The following ATG5 variants were observed in gnomAD, a reference collection of about 807,000 sequenced individuals.
The protein encoded by ATG5 is autophagy related 5.
Under a neutral mutation model 36.5 loss-of-function variants are expected in ATG5, and 14 were observed. That is an observed-to-expected ratio of 0.38 (90% CI 0.25 to 0.60). ATG5 has a LOEUF of 0.60. Ranked by LOEUF, ATG5 falls within the 20% of genes least tolerant of loss-of-function variation. ATG5 has a pLI of 0.60. For missense variants in ATG5, 195 were observed against 326.7 expected, an observed-to-expected ratio of 0.60 and a Z score of 3.11; for synonymous variants, 95 against 101.5, an observed-to-expected ratio of 0.94 and a Z score of 0.38.
At chr6:106,324,727 G>A (rs1001410508) in intron 1 of ATG5, among the ~76,000 whole-genome samples, 35 of 152,170 alleles carry the variant, frequency 2.3e-4, no homozygotes, top group Admixed American at 2.3e-3. Context: ...AAAAGCACAG[G>A]CTTAAATCTG....
intron 3 of ATG5, among the ~76,000 whole-genome samples, chr6:106,303,876 G>A (rs1770314696): frequency 6.6e-6 from 1 of 150,744 alleles, no homozygotes; most frequent in African/African-American, 2.4e-5. Context: ...AATTGTGAAA[G>A]ACTAATACAT....
rs1775747390 is a variant in ATG5, at chr6:106,185,944, C to G, written c.*596G>C. ...TTAAATGACAAAACATATTTAGAGG[C>G]TTTATTTAAAAATCTCTCACTGTTC... On this transcript the variant is annotated 3_prime_UTR_variant, in exon 8 of 8. Coordinates refer to ENST00000369076, the MANE Select transcript of ATG5 (RefSeq NM_004849.4). 1 of 152,784 alleles carries G rather than the reference C, an allele frequency of 6.5e-6. No homozygotes were observed. Among genetic ancestry groups the G allele is most frequent in the African/African-American group, 2.4e-5 (1 of 41,542 alleles). The allele number at this position is 152,784 out of a possible 1,614,324, so 9.5% of individuals were successfully genotyped here. A position where few individuals can be genotyped will look rare whatever the true frequency, so the allele number is the denominator to read the frequency against.
Position 106,279,818 on chromosome 6 carries a change from A to T in ATG5, c.321T>A (p.Phe107Leu). ...GACAGTGCAGAAGGTCTTTTTCTGG[A>T]AAACTCTATCAAAGGAAAAAATATA... ...PWNITVHFKS[F>L]PEKDLLHCPS... The change falls in exon 5 of 8, where the codon TTT (phenylalanine) becomes TTA (leucine). Residue 107 changes from phenylalanine to leucine, a missense_variant. By Grantham distance (22) the Phe-to-Leu change is conservative. Coordinates refer to ENST00000369076, the MANE Select transcript of ATG5 (RefSeq NM_004849.4). 6.7e-7 allele frequency: 1 copy of T among 1,500,018 alleles called. No homozygotes were observed. 92.9% of individuals were successfully genotyped at this position (1,500,018 alleles called of 1,614,324 possible).
At chr6:106,246,359 C>CTCTCTG (rs1180367129) in intron 6 of ATG5, among the ~76,000 whole-genome samples, 1 of 144,416 alleles carries the variant, frequency 6.9e-6, no homozygotes, top group East Asian at 2.1e-4. Flanking sequence ...AAACCATTCT[C>CTCTCTG]TCTCTGTCTC....
chr6:106,214,409 A>G (rs555444303), intron 6 of ATG5, among the ~76,000 whole-genome samples: 2 of 152,252 alleles, frequency 1.3e-5, no homozygotes, highest in East Asian at 1.9e-4. Flanking sequence ...CACTTTCTGT[A>G]CTTATGTTGA....
At position 106,186,543 on chromosome 6, in the gene ATG5, A is replaced by G; in HGVS notation, c.825T>C (p.Asp275=). The part of the protein sequence containing the change: ...LHISIIPQPT[D] The stretch of plus-strand genomic sequence containing the variant: ...GTTCAGGCAAATAGTTGATCCTTCA[A>G]TCTGTTGGCTGTGGGATGATACTAA... The change falls in exon 8 of 8, where the codon GAT becomes GAC. Residue 275 remains aspartate, a synonymous_variant. Coordinates refer to ENST00000369076, the MANE Select transcript of ATG5 (RefSeq NM_004849.4). 3 of 1,613,442 alleles carry G rather than the reference A, an allele frequency of 1.9e-6. No individual in the cohort carries two copies. Among genetic ancestry groups the G allele is most frequent in the Non-Finnish European group, 2.5e-6 (3 of 1,179,516 alleles).
intron 1 of ATG5, 25 bp from the exon 2 acceptor site, chr6:106,316,291 G>T: frequency 1.0e-6 from 1 of 962,276 alleles, no homozygotes. Context: ...AAGAGCATTA[G>T]TCAGATCCTT....
At chr6:106,274,113 G>A (rs766709059) in intron 5 of ATG5, among the ~76,000 whole-genome samples, 3 of 152,186 alleles carry the variant, frequency 2.0e-5, no homozygotes, top group Middle Eastern at 3.4e-3. Context: ...GCCTTTTTGG[G>A]ATTGTATACT....
chr6:106,277,605 A>G (rs1028882691), intron 5 of ATG5, among the ~76,000 whole-genome samples: 4 of 152,276 alleles, frequency 2.6e-5, no homozygotes. Context: ...ACTTGAGGCC[A>G]GGAATTCGAG....
intron 7 of ATG5, among the ~76,000 whole-genome samples, chr6:106,188,402 G>C (rs1179852278): frequency 6.6e-6 from 1 of 152,118 alleles, no homozygotes; most frequent in Non-Finnish European, 1.5e-5. Flanking sequence ...AGTGGTGTAA[G>C]AGTAAAAGTT....
chr6:106,307,028 TAG>T lies in ATG5; in HGVS notation c.236+1334_236+1335del, dbSNP rs571569969. Reference sequence around the variant, plus strand: ...AATTCCCAGAACCATCTCAAAGGATTAGAGACGGGACCCAAAATACAACCTTG... The same window carrying T: ...AATTCCCAGAACCATCTCAAAGGATTAGACGGGACCCAAAATACAACCTTG... On this transcript the variant is annotated intron_variant, in intron 3 of 7. Transcript: ENST00000369076. Among the ~76,000 whole-genome samples, 49 of 152,326 alleles carry T rather than the reference TAG, an allele frequency of 3.2e-4. 1 individual carries two copies. The highest frequency in any genetic ancestry group is 1.1e-3 in the African/African-American group (45 of 41,582).
rs141959172 is a variant in ATG5, at chr6:106,292,472, G to A, written c.315+556C>T. Among the ~76,000 whole-genome samples, 61 of 152,212 alleles carry A rather than the reference G, an allele frequency of 4.0e-4. 1 individual carries two copies. The highest frequency in any genetic ancestry group is 3.4e-3 in the Middle Eastern group (1 of 294). ...GGAATGAACATTTTTCAAAACAGAG[G>A]TAGATCAAATCTTTGGAATTCTATC... On this transcript the variant is annotated intron_variant, in intron 4 of 7. Coordinates refer to ENST00000369076, the MANE Select transcript of ATG5 (RefSeq NM_004849.4).
chr6:106,249,551 A>G (rs1331049135), intron 5 of ATG5, among the ~76,000 whole-genome samples: 1 of 152,202 alleles, frequency 6.6e-6, no homozygotes, highest in Non-Finnish European at 1.5e-5. Context: ...GCTACTATGA[A>G]CATTTGTAAA....
intron 5 of ATG5, among the ~76,000 whole-genome samples, chr6:106,268,592 C>T (rs959667319): frequency 1.3e-5 from 2 of 152,126 alleles, no homozygotes; most frequent in Non-Finnish European, 2.9e-5. Flanking sequence ...TTTACTGCAG[C>T]ACTATTTACA....
chr6:106,217,007 G>T (rs1213707343), intron 6 of ATG5, among the ~76,000 whole-genome samples: 1 of 151,488 alleles, frequency 6.6e-6, no homozygotes, highest in Non-Finnish European at 1.5e-5. Context: ...AATCATTCTG[G>T]GATGATGGCT....
In ATG5 at chr6:106,252,680, G is replaced by A. The variant is rs536770014; in HGVS notation, c.479-4436C>T. 9.9e-5 allele frequency among the ~76,000 whole-genome samples: 15 copies of A among 152,266 alleles called. No individual in the cohort carries two copies. The South Asian group carries it at 1.7e-3, about 17-fold the overall frequency. On this transcript the variant is annotated intron_variant, in intron 5 of 7. Coordinates refer to ENST00000369076, the MANE Select transcript of ATG5 (RefSeq NM_004849.4). ...AAATAACATGTCTAAAATCCCCCAC[G>A]GGAGACATGGAGGACATATAAGGAG...
Position 106,192,251 on chromosome 6 carries a change from TA to T in ATG5, c.692-5576del, listed in dbSNP as rs760275195. On this transcript the variant is annotated intron_variant, in intron 7 of 7. Coordinates refer to ENST00000369076, the MANE Select transcript of ATG5 (RefSeq NM_004849.4). Reference sequence around the variant, plus strand: ...TTTAAAAAAGATGAAAACATTCAGGTAAAAAAAAAAAACCTTTCAAAATCTT... The same window carrying T: ...TTTAAAAAAGATGAAAACATTCAGGTAAAAAAAAAAACCTTTCAAAATCTT... Among the ~76,000 whole-genome samples the T allele has an allele frequency of 1.9e-3, 268 of 141,782 alleles. 1 individual carries two copies. Among genetic ancestry groups the T allele is most frequent in the East Asian group, 0.017 (83 of 4,984 alleles). 93.0% of individuals were successfully genotyped at this position (141,782 alleles called of 152,430 possible). A position where few individuals can be genotyped will look rare whatever the true frequency, so the allele number is the denominator to read the frequency against.
intron 5 of ATG5, among the ~76,000 whole-genome samples, chr6:106,269,770 T>C (rs1214106853): frequency 1.1e-4 from 17 of 152,146 alleles, no homozygotes; most frequent in Admixed American, 1.1e-3. Flanking sequence ...CATCCCCGGT[T>C]CCCGCTCGCG....
chr6:106,216,466 C>T (rs541074405), intron 6 of ATG5, among the ~76,000 whole-genome samples: 1 of 152,024 alleles, frequency 6.6e-6, no homozygotes, highest in Admixed American at 6.5e-5. Context: ...ACCTTAAAAA[C>T]AATATGCAAG....
Sources: gnomAD v4.1 joint callset for allele counts (sites outside exome capture counted in the v4.1 genomes callset) on GRCh38, gnomAD v4.1.1 for gene constraint, MANE v1.5 for transcripts, NCBI Gene and HGNC (gene_info 2026-07-23, HGNC 2026-07-21) for gene names.